The following ZNF45 variants were observed in gnomAD, a reference collection of about 807,000 sequenced individuals.
The protein encoded by ZNF45 is zinc finger protein 45, also known as BRC1744.
Under a neutral mutation model 12.0 loss-of-function variants are expected in ZNF45, and 4 were observed. That is an observed-to-expected ratio of 0.33 (90% CI 0.16 to 0.76). The LOEUF (loss-of-function observed/expected upper bound fraction) is 0.76, where lower values mean the gene tolerates loss of function less well. Ranked by LOEUF, ZNF45 falls within the 30% of genes least tolerant of loss-of-function variation. The probability of loss-of-function intolerance (pLI) is 0.60; values close to 1 mark genes in which losing one functional copy is unlikely to be tolerated. For missense variants in ZNF45, 700 were observed against 813.0 expected (o/e 0.86, Z 1.69); for synonymous variants, 272 against 279.6 (o/e 0.97, Z 0.27).
At position 43,915,210 on chromosome 19, in the gene ZNF45, T is replaced by A. The variant is rs1315917451; in HGVS notation, c.236-10A>T. 1.3e-6 allele frequency: 2 copies of A among 1,481,614 alleles called. No individual in the cohort carries two copies. The highest frequency in any genetic ancestry group is 3.0e-5 in the South Asian group (2 of 66,524). 91.8% of individuals were successfully genotyped at this position (1,481,614 alleles called of 1,614,324 possible). On this transcript the variant is annotated splice_polypyrimidine_tract_variant and intron_variant, in intron 9 of 9. Transcript: ENST00000269973. The stretch of plus-strand genomic sequence containing the variant: ...TTTAGATTCTTGGCTCCTAAAAGGA[T>A]AAAGAAAATGTGGAGATGGGGCATG...
intron 9 of ZNF45, among the ~76,000 whole-genome samples, chr19:43,915,723 TGA>T (rs1972604477): frequency 6.6e-6 from 1 of 152,122 alleles, no homozygotes; most frequent in African/African-American, 2.4e-5. Flanking sequence ...TCTAATCTTA[TGA>T]GAATCTAACT....
At chr19:43,929,901 A>G (rs1386290770) in intron 3 of ZNF45, 1 of 152,352 alleles carries the variant, frequency 6.6e-6, no homozygotes, top group East Asian at 1.9e-4. Context: ...ATATGTGACT[A>G]ATAAACTGCT....
At chr19:43,929,168 C>T (rs190495242) in intron 3 of ZNF45, among the ~76,000 whole-genome samples, 9 of 152,334 alleles carry the variant, frequency 5.9e-5, no homozygotes, top group Admixed American at 1.3e-4. Flanking sequence ...TGTTCTTAAC[C>T]GCTCGACAGT....
chr19:43,913,311 T>C lies in ZNF45; in HGVS notation c.*76A>G. The C allele has an allele frequency of 6.7e-7, 1 of 1,497,412 alleles. No individual in the cohort carries two copies. Among genetic ancestry groups the C allele is most frequent in the Non-Finnish European group, 8.9e-7 (1 of 1,122,694 alleles). 92.8% of individuals were successfully genotyped at this position (1,497,412 alleles called of 1,614,324 possible). On this transcript the variant is annotated 3_prime_UTR_variant, in exon 10 of 10. Transcript: ENST00000269973. ...TCACTTGGCTGAACTACTGACTCTA[T>C]AAAACAAATGTTTTGTCTATGATAG...
At chr19:43,932,353 A>G (rs1338879407) in intron 3 of ZNF45, 1 of 152,176 alleles carries the variant, frequency 6.6e-6, no homozygotes, top group Non-Finnish European at 1.5e-5. Context: ...AAACAAACCA[A>G]AAAACCCAAA....
At chr19:43,920,539 G>GT (rs1555746391) in intron 7 of ZNF45, among the ~76,000 whole-genome samples, 1 of 136,146 alleles carries the variant, frequency 7.3e-6, no homozygotes, top group African/African-American at 2.7e-5. Flanking sequence ...GCCGGGTGGG[G>GT]GGGGGGGGCA....
rs748174929 is a variant in ZNF45 at position 43,914,847 on chromosome 19, A to G, written c.589T>C (p.Cys197Arg). 1 of 1,612,522 alleles carries G rather than the reference A, an allele frequency of 6.2e-7. No homozygotes were observed. The highest frequency in any genetic ancestry group is 8.5e-7 in the Non-Finnish European group (1 of 1,178,726). Residue 197 changes from cysteine to arginine, a missense_variant, in exon 10 of 10, where the codon TGT (cysteine) becomes CGT (arginine). Coordinates refer to ENST00000269973, the MANE Select transcript of ZNF45 (RefSeq NM_003425.4). ...AGEKPYKCEK[C>R]DNAFRRFSSL... is the part of the protein sequence containing the mutation. ...GAAAACCGACGGAAGGCATTATCAC[A>G]TTTTTCACATTTGTAGGGCTTCTCT...
At chr19:43,930,882 T>C (rs1450371304) in intron 3 of ZNF45, among the ~76,000 whole-genome samples, 1 of 152,130 alleles carries the variant, frequency 6.6e-6, no homozygotes, top group Non-Finnish European at 1.5e-5. Context: ...CCTCAACTTG[T>C]AATCAGTATA....
intron 3 of ZNF45, among the ~76,000 whole-genome samples, chr19:43,928,046 T>C (rs1650943496): frequency 6.6e-6 from 1 of 151,864 alleles, no homozygotes; most frequent in Non-Finnish European, 1.5e-5. Flanking sequence ...CCAGGCATGA[T>C]GGCGAATGCC....
chr19:43,920,244 T>G (rs1341218819), intron 7 of ZNF45, among the ~76,000 whole-genome samples: 4 of 152,190 alleles, frequency 2.6e-5, no homozygotes, highest in African/African-American at 9.6e-5. Flanking sequence ...TTTATTGATA[T>G]TCCATTTAGA....
rs200720773 is a variant in ZNF45, at chr19:43,914,707, A to C, written c.729T>G (p.Thr243=). ...SHLPHHQRVP[T]GENPYKYEEC... is the part of the protein sequence containing the mutation. ...CTTCATATTTGTATGGATTCTCTCC[A>C]GTGGGAACTCTCTGATGATGGGGAA... is the stretch of plus-strand genomic sequence containing the variant. Residue 243 remains threonine, a synonymous_variant, in exon 10 of 10, where the codon ACT becomes ACG. Transcript: ENST00000269973. 6.2e-7 allele frequency: 1 copy of C among 1,614,210 alleles called. No homozygotes were observed.
chr19:43,923,605 T>C (rs1335286369), intron 6 of ZNF45, among the ~76,000 whole-genome samples: 1 of 152,160 alleles, frequency 6.6e-6, no homozygotes, highest in African/African-American at 2.4e-5. Flanking sequence ...AGATGACTGC[T>C]TTTTTTGATA....
Position 43,913,797 on chromosome 19 carries a change from G to T in ZNF45, c.1639C>A (p.Gln547Lys). 6.2e-7 allele frequency: 1 copy of T among 1,613,698 alleles called. No homozygotes were observed. Residue 547 changes from glutamine (Q) to lysine (K), a missense_variant, in exon 10 of 10, where the codon CAG becomes AAG. Gln to Lys is a moderately conservative substitution (Grantham distance 53, BLOSUM62 1). Transcript: ENST00000269973. ...FSVGSQLQAH[Q>K]RCHTGEKPYQ... ...GGTTTCTCTCCAGTGTGGCACCTCT[G>T]ATGGGCTTGAAGCTGTGAACCTACA...
chr19:43,915,660 AGTGCGAATCCTATCGTGAACTGCGC>A (rs781340451), intron 9 of ZNF45, among the ~76,000 whole-genome samples: 43 of 152,268 alleles, frequency 2.8e-4, no homozygotes, highest in Non-Finnish European at 5.9e-4. Context: ...TTCTTATAGG[AGTGCGAATCCTATCGTGAACTGCGC>A]GTGCGAGGGA....
chr19:43,914,597 T>G lies in ZNF45; in HGVS notation c.839A>C (p.Glu280Ala), dbSNP rs1972485209. 1 of 1,613,624 alleles carries G rather than the reference T, an allele frequency of 6.2e-7. No individual in the cohort carries two copies. Residue 280 changes from glutamate (E) to alanine (A), a missense_variant, in exon 10 of 10, where the codon GAG becomes GCG. By Grantham distance (107) the Glu-to-Ala change is moderately radical. Coordinates refer to ENST00000269973, the MANE Select transcript of ZNF45 (RefSeq NM_003425.4). ...TCTCTGACTGAAGCCCACCCCACACTCCTCACATTTATAGGGTTTCTCTCC... is the reference window on the plus strand; with the variant it reads ...TCTCTGACTGAAGCCCACCCCACACGCCTCACATTTATAGGGTTTCTCTCC... ...HTGEKPYKCE[E>A]CGVGFSQRSY...
chr19:43,919,572 C>G lies in ZNF45; in HGVS notation c.142+1G>C. ...TTCAGTCAGAGAATGCCTGTCCTCACCCACTGAGACCACATTCCTGAAGTT... is the reference window on the plus strand; with the variant it reads ...TTCAGTCAGAGAATGCCTGTCCTCAGCCACTGAGACCACATTCCTGAAGTT... On this transcript the variant is annotated splice_donor_variant, in intron 8 of 9. Transcript: ENST00000269973. LOFTEE classifies it high-confidence loss of function. 1 of 1,611,410 alleles carries G rather than the reference C, an allele frequency of 6.2e-7. No individual in the cohort carries two copies. Among genetic ancestry groups the G allele is most frequent in the Non-Finnish European group, 8.5e-7 (1 of 1,178,316 alleles).
chr19:43,922,927 GCGATCCTCCCA>G, intron 6 of ZNF45, among the ~76,000 whole-genome samples: 1 of 145,036 alleles, frequency 6.9e-6, no homozygotes, highest in Middle Eastern at 3.8e-3. Flanking sequence ...CTGGGCTCAA[GCGATCCTCCCA>G]CCTCAGCCTC....
chr19:43,919,133 G>A (rs1040946792), intron 8 of ZNF45, among the ~76,000 whole-genome samples, 171 bp from the exon 9 acceptor site: 3 of 152,124 alleles, frequency 2.0e-5, no homozygotes, highest in Non-Finnish European at 2.9e-5. Flanking sequence ...AAGATATGCA[G>A]ATATAAGTAT....
intron 9 of ZNF45, among the ~76,000 whole-genome samples, chr19:43,916,111 C>T (rs1972647608): frequency 2.0e-5 from 3 of 151,860 alleles, no homozygotes; most frequent in African/African-American, 7.3e-5. Flanking sequence ...GCCACCGGCA[C>T]CTGGCCTTCT....
Sources: allele counts gnomAD v4.1 joint callset (sites outside exome capture counted in the v4.1 genomes callset), GRCh38; gene constraint gnomAD v4.1.1; transcripts MANE v1.5; gene names NCBI Gene and HGNC (gene_info 2026-07-23, HGNC 2026-07-21).